Variants in BARD1 observed in about 807,000 individuals in gnomAD.
BARD1 encodes the protein BRCA1-associated RING domain protein 1.
BARD1 carries 73 observed loss-of-function variants against 77.0 expected under a neutral mutation model. The ratio of observed to expected loss-of-function variants is 0.95; its 90% CI spans 0.79 to 1.15. The LOEUF (loss-of-function observed/expected upper bound fraction) is 1.15. Ranked by LOEUF, BARD1 falls within the 50% of genes most tolerant of loss-of-function variation. The pLI, the probability that BARD1 is intolerant of heterozygous loss-of-function variation, is 0.00. For missense variants in BARD1, 993 were observed against 938.8 expected (o/e 1.06, Z -0.75); for synonymous variants, 384 against 338.0 (o/e 1.14, Z -1.49).
chr2:214,796,146 G>A (rs372398633), intron 2 of BARD1, among the ~76,000 whole-genome samples: 13 of 152,260 alleles, frequency 8.5e-5, no homozygotes, highest in African/African-American at 2.6e-4. Context: ...CTGTCTCATA[G>A]GCAATTAAAC....
chr2:214,789,471 G>C (rs1695420235), intron 3 of BARD1, among the ~76,000 whole-genome samples: 1 of 151,978 alleles, frequency 6.6e-6, no homozygotes, highest in African/African-American at 2.4e-5. Flanking sequence ...CTTGAACCCA[G>C]GAGTTCAAGG....
At chr2:214,792,188 G>T in intron 3 of BARD1, 109 bp downstream of exon 3, 336 of 795,896 alleles carry the variant, frequency 4.2e-4, no homozygotes, top group Non-Finnish European at 5.4e-4. Flanking sequence ...TTTAAAATCT[G>T]AAATACGTAT....
At chr2:214,762,097 C>T (rs58892715) in intron 6 of BARD1, among the ~76,000 whole-genome samples, 1,775 of 152,172 alleles carry the variant, frequency 0.012, 42 homozygotes, top group African/African-American at 0.039. Flanking sequence ...AAATTTGCAA[C>T]GCTCCAAAAT....
chr2:214,796,814 T>C (rs1358738822), intron 2 of BARD1: 5 of 494,918 alleles, frequency 1.0e-5, no homozygotes, highest in Non-Finnish European at 1.8e-5. Context: ...ATTTTTTTCC[T>C]CCAATTTGGC....
chr2:214,808,218 G>A (rs953952272), intron 1 of BARD1, among the ~76,000 whole-genome samples: 3 of 152,198 alleles, frequency 2.0e-5, no homozygotes, highest in Admixed American at 6.5e-5. Flanking sequence ...GACCATCCTG[G>A]CTAACACGGT....
chr2:214,773,951 A>G (rs1405397264), intron 4 of BARD1, among the ~76,000 whole-genome samples: 2 of 152,214 alleles, frequency 1.3e-5, no homozygotes, highest in Non-Finnish European at 2.9e-5. Flanking sequence ...AAGATGATAT[A>G]ATTTTCTAAA....
chr2:214,808,075 A>G (rs924770338), intron 1 of BARD1, among the ~76,000 whole-genome samples: 1 of 152,272 alleles, frequency 6.6e-6, no homozygotes, highest in Non-Finnish European at 1.5e-5. Flanking sequence ...CAAAGAAAAT[A>G]TAAGTGCAAA....
At chr2:214,808,510 G>T (rs1035606642) in intron 1 of BARD1, among the ~76,000 whole-genome samples, 1 of 152,114 alleles carries the variant, frequency 6.6e-6, no homozygotes, top group African/African-American at 2.4e-5. Context: ...AGTCCAAAAA[G>T]GATATAAACT....
At chr2:214,775,189 C>T (rs1694685879) in intron 4 of BARD1, among the ~76,000 whole-genome samples, 1 of 152,164 alleles carries the variant, frequency 6.6e-6, no homozygotes, top group South Asian at 2.1e-4. Flanking sequence ...TGGCAAGAGA[C>T]CTAGCTTTTG....
intron 6 of BARD1, among the ~76,000 whole-genome samples, chr2:214,754,240 T>A (rs546384795): frequency 6.7e-6 from 1 of 150,302 alleles, no homozygotes; most frequent in Non-Finnish European, 1.5e-5. Flanking sequence ...CAACAACATA[T>A]AATGGCCACA....
chr2:214,800,484 G>A (rs1280571172), intron 1 of BARD1, among the ~76,000 whole-genome samples: 1 of 152,168 alleles, frequency 6.6e-6, no homozygotes, highest in East Asian at 1.9e-4. Context: ...GCTATAGTGT[G>A]CCATGATCGT....
chr2:214,736,433 G>A (rs1451468631), intron 9 of BARD1, among the ~76,000 whole-genome samples: 2 of 152,002 alleles, frequency 1.3e-5, no homozygotes, highest in African/African-American at 4.8e-5. Context: ...TACTTACAGA[G>A]TATTCATAAT....
chr2:214,769,823 T>C (rs554436244), intron 4 of BARD1, among the ~76,000 whole-genome samples: 3 of 152,202 alleles, frequency 2.0e-5, no homozygotes, highest in Non-Finnish European at 2.9e-5. Context: ...GAATATAGAC[T>C]ACAAAATCTA....
chr2:214,774,487 T>C (rs1451814911), intron 4 of BARD1, among the ~76,000 whole-genome samples: 1 of 152,204 alleles, frequency 6.6e-6, no homozygotes, highest in East Asian at 1.9e-4. Flanking sequence ...GGTGACTAGG[T>C]GGCACTGTCA....
intron 5 of BARD1, among the ~76,000 whole-genome samples, chr2:214,768,618 C>A (rs1694326372): frequency 1.3e-5 from 2 of 152,176 alleles, no homozygotes; most frequent in East Asian, 1.9e-4. Flanking sequence ...TTTGCTGACA[C>A]TTCTGTGGCT....
At chr2:214,756,095 G>A (rs1046868281) in intron 6 of BARD1, among the ~76,000 whole-genome samples, 4 of 151,998 alleles carry the variant, frequency 2.6e-5, no homozygotes, top group African/African-American at 4.8e-5. Flanking sequence ...TTGTGTCCCC[G>A]CCCAAATCTC....
intron 2 of BARD1, among the ~76,000 whole-genome samples, chr2:214,794,782 G>C (rs1695684647): frequency 6.6e-6 from 1 of 152,104 alleles, no homozygotes; most frequent in South Asian, 2.1e-4. Context: ...TCATTGCTGA[G>C]CAGTTTTAAC....
intron 5 of BARD1, 141 bp downstream of exon 5, chr2:214,769,090 GT>G: frequency 2.8e-6 from 2 of 717,354 alleles, no homozygotes; most frequent in Non-Finnish European, 4.7e-6. Flanking sequence ...AAGTAATCAT[GT>G]TCTCATACTT....
chr2:214,752,171 C>T (rs1026338293), intron 7 of BARD1, among the ~76,000 whole-genome samples: 5 of 152,192 alleles, frequency 3.3e-5, no homozygotes, highest in African/African-American at 9.7e-5. Flanking sequence ...CTACCTCTCA[C>T]CAGATGGTAA....
Sources: allele counts gnomAD v4.1 joint callset (sites outside exome capture counted in the v4.1 genomes callset), GRCh38; gene constraint gnomAD v4.1.1; transcripts MANE v1.5; gene names NCBI Gene and HGNC (gene_info 2026-07-23, HGNC 2026-07-21).